The following FAT3 variants were observed in gnomAD, a reference collection of about 807,000 sequenced individuals.
FAT3 encodes the protein FAT atypical cadherin 3.
A neutral mutation model predicts 310.2 loss-of-function variants in FAT3; 95 were observed. The ratio of observed to expected loss-of-function variants is 0.31; its 90% CI spans 0.26 to 0.36. The LOEUF (loss-of-function observed/expected upper bound fraction) is 0.36. Among genes scored for constraint, FAT3 ranks in the 10% least tolerant of loss-of-function variants. FAT3 has a pLI of 1.00. For synonymous variants in FAT3, 2,314 were observed against 2,192.9 expected, an observed-to-expected ratio of 1.06 and a Z score of -1.54; for missense variants, 5,408 against 5,715.6, an observed-to-expected ratio of 0.95 and a Z score of 1.74.
chr11:92,315,906 C>T (rs1172259498), intron 1 of FAT3, among the ~76,000 whole-genome samples: 1 of 151,968 alleles, frequency 6.6e-6, no homozygotes, highest in Non-Finnish European at 1.5e-5. Flanking sequence ...TGAAATTTGT[C>T]TTCATACATA....
intron 6 of FAT3, among the ~76,000 whole-genome samples, chr11:92,768,509 A>G (rs1200133771): frequency 6.6e-6 from 1 of 152,192 alleles, no homozygotes; most frequent in Admixed American, 6.5e-5. Context: ...TCTGCTGACA[A>G]CATCTTTCCC....
At chr11:92,383,870 A>G (rs1324845617) in intron 2 of FAT3, among the ~76,000 whole-genome samples, 1 of 152,244 alleles carries the variant, frequency 6.6e-6, no homozygotes. Context: ...AAAGGAAAAT[A>G]AAATTTAAAA....
At chr11:92,620,004 C>G (rs917450561) in intron 3 of FAT3, among the ~76,000 whole-genome samples, 1 of 152,024 alleles carries the variant, frequency 6.6e-6, no homozygotes, top group Admixed American at 6.6e-5. Context: ...CTAAGCATTG[C>G]TTTACTGCAT....
chr11:92,234,999 A>C (rs1486744151), intron 1 of FAT3, among the ~76,000 whole-genome samples: 4 of 151,358 alleles, frequency 2.6e-5, no homozygotes, highest in Non-Finnish European at 4.4e-5. Flanking sequence ...TCAACCTAGG[A>C]GGCAGAGGTT....
At chr11:92,573,697 C>T (rs1212904845) in intron 3 of FAT3, among the ~76,000 whole-genome samples, 1 of 151,984 alleles carries the variant, frequency 6.6e-6, no homozygotes, top group Non-Finnish European at 1.5e-5. Context: ...AGCTATGCAG[C>T]CCCAAGCCAC....
At chr11:92,741,638 G>A (rs1945513910) in intron 4 of FAT3, among the ~76,000 whole-genome samples, 1 of 152,186 alleles carries the variant, frequency 6.6e-6, no homozygotes, top group African/African-American at 2.4e-5. Context: ...TAAGTCTACG[G>A]AGTTGATCTT....
intron 13 of FAT3, among the ~76,000 whole-genome samples, chr11:92,818,006 G>T (rs746105045): frequency 2.0e-5 from 3 of 152,168 alleles, no homozygotes; most frequent in African/African-American, 4.8e-5. Flanking sequence ...TCAGTTTCCT[G>T]TATCTTCTTG....
rs74826956 is a variant in FAT3, at chr11:92,851,680, C to G, written c.11366-5534C>G. 3.8e-3 allele frequency among the ~76,000 whole-genome samples: 579 copies of G among 152,244 alleles called. 8 individuals are homozygous for G. The highest frequency in any genetic ancestry group is 0.021 in the East Asian group (109 of 5,178). On this transcript the variant is annotated intron_variant, in intron 19 of 27. Coordinates refer to ENST00000525166, the MANE Select transcript of FAT3 (RefSeq NM_001367949.2). ...TGGTTTGATGAAGTGGGACCCTTCCCCCTTCATGCTTACTGTGGTACCAAA... is the reference window on the plus strand; with the variant it reads ...TGGTTTGATGAAGTGGGACCCTTCCGCCTTCATGCTTACTGTGGTACCAAA...
intron 1 of FAT3, among the ~76,000 whole-genome samples, chr11:92,330,182 A>G (rs995777478): frequency 2.0e-5 from 3 of 152,212 alleles, no homozygotes; most frequent in Non-Finnish European, 2.9e-5. Context: ...TAATGTGCCC[A>G]TCTATGTAAG....
intron 13 of FAT3, among the ~76,000 whole-genome samples, chr11:92,823,688 G>C (rs1281392665): frequency 2.0e-5 from 3 of 152,166 alleles, no homozygotes; most frequent in Non-Finnish European, 2.9e-5. Flanking sequence ...TGTGACTGAT[G>C]TTACCTTCTG....
intron 24 of FAT3, among the ~76,000 whole-genome samples, chr11:92,884,233 C>T (rs1949747104): frequency 6.6e-6 from 1 of 152,194 alleles, no homozygotes; most frequent in Admixed American, 6.5e-5. Flanking sequence ...TACATTTTAA[C>T]AGCAGCACTA....
At chr11:92,830,719 G>A (rs766185276) in intron 13 of FAT3, among the ~76,000 whole-genome samples, 91 of 152,166 alleles carry the variant, frequency 6.0e-4, no homozygotes, top group Non-Finnish European at 1.1e-3. Context: ...TCTTTCTGCA[G>A]CCCTCCCCAT....
chr11:92,271,027 A>G (rs1163888335), intron 1 of FAT3, among the ~76,000 whole-genome samples: 1 of 151,742 alleles, frequency 6.6e-6, no homozygotes, highest in African/African-American at 2.4e-5. Flanking sequence ...TGTTATTATA[A>G]CCCCTGTTCA....
intron 1 of FAT3, among the ~76,000 whole-genome samples, chr11:92,242,351 T>G (rs796497418): frequency 3.9e-5 from 6 of 152,164 alleles, no homozygotes; most frequent in African/African-American, 1.4e-4. Context: ...CATTAATCCT[T>G]CACAATCTTA....
chr11:92,667,103 C>A (rs1344727998), intron 3 of FAT3, among the ~76,000 whole-genome samples: 1 of 152,092 alleles, frequency 6.6e-6, no homozygotes, highest in Admixed American at 6.6e-5. Context: ...CCTCAGTTTA[C>A]TCACCTGTAA....
chr11:92,584,167 C>T (rs184307529), intron 3 of FAT3, among the ~76,000 whole-genome samples: 1 of 151,940 alleles, frequency 6.6e-6, no homozygotes, highest in Non-Finnish European at 1.5e-5. Context: ...TAAATGACAG[C>T]TATTACTGTT....
At chr11:92,473,487 G>A (rs1255939377) in intron 2 of FAT3, among the ~76,000 whole-genome samples, 1 of 152,078 alleles carries the variant, frequency 6.6e-6, no homozygotes. Flanking sequence ...ATCATTGAGA[G>A]TATTTGGAAC....
chr11:92,463,345 T>A (rs1416416319), intron 2 of FAT3, among the ~76,000 whole-genome samples: 1 of 152,162 alleles, frequency 6.6e-6, no homozygotes, highest in Non-Finnish European at 1.5e-5. Context: ...AACATAGTGT[T>A]TAGAATTGCT....
chr11:92,417,340 A>G (rs958577295), intron 2 of FAT3, among the ~76,000 whole-genome samples: 1 of 152,228 alleles, frequency 6.6e-6, no homozygotes, highest in Admixed American at 6.5e-5. Flanking sequence ...AATTCAATAT[A>G]ATATGTATTG....
Sources: allele counts gnomAD v4.1 joint callset (sites outside exome capture counted in the v4.1 genomes callset), GRCh38; gene constraint gnomAD v4.1.1; transcripts MANE v1.5; gene names NCBI Gene and HGNC (gene_info 2026-07-23, HGNC 2026-07-21).